FNBP1: variants seen among roughly 807,000 people sequenced by gnomAD.
The protein encoded by FNBP1 is formin-binding protein 1.
Under a neutral mutation model 90.6 loss-of-function variants are expected in FNBP1, and 26 were observed. The observed-to-expected ratio is 0.29, with a 90% CI of 0.21 to 0.40. FNBP1 has a LOEUF of 0.40. FNBP1 is among the 10% of genes least tolerant of loss of function. The pLI is 1.00. For synonymous variants in FNBP1, 260 were observed against 265.2 expected, an observed-to-expected ratio of 0.98 and a Z score of 0.19; for missense variants, 635 against 768.0, an observed-to-expected ratio of 0.83 and a Z score of 2.05.
chr9:129,973,354 G>A (rs565283903), intron 4 of FNBP1, among the ~76,000 whole-genome samples: 1 of 152,310 alleles, frequency 6.6e-6, no homozygotes, highest in East Asian at 1.9e-4. Flanking sequence ...GCATTCCACT[G>A]TTGTTTTAAG....
chr9:130,011,669 C>A (rs1440505036), intron 1 of FNBP1, among the ~76,000 whole-genome samples: 1 of 152,102 alleles, frequency 6.6e-6, no homozygotes, highest in Non-Finnish European at 1.5e-5. Flanking sequence ...ACTTCCCAGC[C>A]TCCAAAACTG....
At chr9:130,050,478 A>C in the FNBP1 span, among the ~76,000 whole-genome samples, 1 of 152,082 alleles carries the variant, frequency 6.6e-6, no homozygotes, top group Non-Finnish European at 1.5e-5. Flanking sequence ...CATTCCCGAC[A>C]CCCCAAGAAA....
At chr9:130,035,490 C>T (rs2059226405) in intron 1 of FNBP1, among the ~76,000 whole-genome samples, 1 of 152,188 alleles carries the variant, frequency 6.6e-6, no homozygotes, top group Admixed American at 6.5e-5. Context: ...CTAATGACTC[C>T]ATCTAAGCCT....
chr9:129,931,562 C>T (rs927943598), intron 6 of FNBP1, among the ~76,000 whole-genome samples: 5 of 151,672 alleles, frequency 3.3e-5, no homozygotes, highest in Admixed American at 6.6e-5. Context: ...GCCGAGATCG[C>T]GCCACTATAC....
chr9:129,909,933 A>T (rs1053056739), intron 11 of FNBP1, among the ~76,000 whole-genome samples: 1 of 152,204 alleles, frequency 6.6e-6, no homozygotes, highest in African/African-American at 2.4e-5. Flanking sequence ...TTCAGAGAGA[A>T]TGCCCTCCCT....
rs778905878 is a variant in FNBP1 at position 129,957,327 on chromosome 9, C to G, written c.513+33G>C. ...TGCTGGGATTACAGGCGTGAGCCAC[C>G]GTGCCCGGCCCACACTTGAGCTTTC... On this transcript the variant is annotated intron_variant, in intron 6 of 16. Coordinates refer to ENST00000446176, the MANE Select transcript of FNBP1 (RefSeq NM_015033.3). The surrounding 1 kb of genome is among the most constrained non-coding windows in gnomAD (Gnocchi z 4.3). 1 of 1,485,182 alleles carries G rather than the reference C, an allele frequency of 6.7e-7. No individual in the cohort carries two copies. The highest frequency in any genetic ancestry group is 1.4e-5 in the African/African-American group (1 of 71,894). The allele number at this position is 1,485,182 out of a possible 1,614,324, so 92.0% of individuals were successfully genotyped here.
intron 2 of FNBP1, among the ~76,000 whole-genome samples, chr9:129,991,618 T>G (rs1037128700): frequency 6.6e-6 from 1 of 151,686 alleles, no homozygotes; most frequent in Non-Finnish European, 1.5e-5. Context: ...GTTTCAGACA[T>G]GTTACATTTC....
At chr9:129,978,417 T>G (rs375351448) in intron 4 of FNBP1, 48 bp downstream of exon 4, 1 of 1,491,990 alleles carries the variant, frequency 6.7e-7, no homozygotes, top group Admixed American at 1.8e-5. Flanking sequence ...ATATTCCCAC[T>G]GTGTTTGGTC....
intron 6 of FNBP1, among the ~76,000 whole-genome samples, chr9:129,933,323 T>G (rs2043023361): frequency 6.6e-6 from 1 of 152,076 alleles, no homozygotes; most frequent in Non-Finnish European, 1.5e-5. Flanking sequence ...TTTACCCAAG[T>G]AGAATATTTT....
chr9:129,977,649 G>A (rs557756094), intron 4 of FNBP1, among the ~76,000 whole-genome samples: 11 of 151,938 alleles, frequency 7.2e-5, no homozygotes, highest in South Asian at 6.2e-4. Flanking sequence ...CCGTCACCAC[G>A]CCCAGCTAGT....
intron 2 of FNBP1, 108 bp from the exon 3 acceptor site, chr9:129,979,482 A>G: frequency 1.3e-6 from 1 of 753,824 alleles, no homozygotes; most frequent in Non-Finnish European, 2.2e-6. Flanking sequence ...CAAACAAAAA[A>G]AGTCCACAGC....
intron 1 of FNBP1, among the ~76,000 whole-genome samples, chr9:130,003,779 T>C (rs1431967463): frequency 2.0e-5 from 3 of 149,128 alleles, no homozygotes; most frequent in Non-Finnish European, 4.4e-5. Flanking sequence ...AAAAATTAGC[T>C]GGGCATGGAG....
chr9:130,011,881 C>T (rs2056654133), intron 1 of FNBP1, among the ~76,000 whole-genome samples: 1 of 152,128 alleles, frequency 6.6e-6, no homozygotes, highest in Non-Finnish European at 1.5e-5. Flanking sequence ...AATTAAAACC[C>T]CAACAAGTTT....
intron 6 of FNBP1, among the ~76,000 whole-genome samples, chr9:129,938,508 ATATGCTTGAACTATTC>A (rs2043835516): frequency 1.3e-5 from 2 of 151,862 alleles, no homozygotes; most frequent in Admixed American, 6.6e-5. Flanking sequence ...AACCAAAGAA[ATATGCTTGAACTATTC>A]CAGCAATTTC....
At chr9:129,916,938 T>C (rs1036047015) in intron 10 of FNBP1, among the ~76,000 whole-genome samples, 9 of 151,836 alleles carry the variant, frequency 5.9e-5, no homozygotes, top group African/African-American at 2.2e-4. Flanking sequence ...CCTTGCTCCG[T>C]GGAGGGTGTC....
chr9:130,037,833 T>C (rs926985010), intron 1 of FNBP1, among the ~76,000 whole-genome samples: 5 of 152,270 alleles, frequency 3.3e-5, no homozygotes, highest in African/African-American at 1.2e-4. Flanking sequence ...CCCATTATTT[T>C]TAAAAAGCAA....
At chr9:129,936,118 A>G (rs1001177289) in intron 6 of FNBP1, among the ~76,000 whole-genome samples, 8 of 152,302 alleles carry the variant, frequency 5.3e-5, no homozygotes, top group African/African-American at 4.8e-5. Context: ...ACAAATTATA[A>G]ATGCCCACCT....
intron 2 of FNBP1, among the ~76,000 whole-genome samples, chr9:129,984,510 T>A (rs1301102347): frequency 6.6e-6 from 1 of 152,170 alleles, no homozygotes; most frequent in Non-Finnish European, 1.5e-5. Context: ...AAGACATCTA[T>A]GCTGACCACC....
At chr9:129,976,160 A>G (rs907889301) in intron 4 of FNBP1, among the ~76,000 whole-genome samples, 1 of 152,110 alleles carries the variant, frequency 6.6e-6, no homozygotes, top group African/African-American at 2.4e-5. Context: ...ACTGTCATCT[A>G]ATTTAGGGCT....
Sources: allele counts gnomAD v4.1 joint callset (sites outside exome capture counted in the v4.1 genomes callset), GRCh38; gene constraint gnomAD v4.1.1; non-coding constraint Gnocchi (gnomAD v3.1); transcripts MANE v1.5; gene names NCBI Gene and HGNC (gene_info 2026-07-23, HGNC 2026-07-21).